Variants in HIVEP3 observed in about 807,000 individuals in gnomAD.
HIVEP3 encodes HIVEP zinc finger 3.
In HIVEP3, 49 loss-of-function variants were observed where a neutral mutation model predicts 152.8. That is an observed-to-expected ratio of 0.32 (90% CI 0.26 to 0.41). The LOEUF (loss-of-function observed/expected upper bound fraction) is 0.41, where lower values mean the gene tolerates loss of function less well. Among genes scored for constraint, HIVEP3 ranks in the 10% least tolerant of loss-of-function variants. The pLI, the probability that HIVEP3 is intolerant of heterozygous loss-of-function variation, is 1.00. For missense variants in HIVEP3, 2,790 were observed against 3,103.3 expected, an observed-to-expected ratio of 0.90 and a Z score of 2.40; for synonymous variants, 1,269 against 1,289.0, an observed-to-expected ratio of 0.98 and a Z score of 0.33.
intron 1 of HIVEP3, among the ~76,000 whole-genome samples, chr1:41,792,213 A>G (rs940568863): frequency 6.6e-5 from 10 of 152,330 alleles, no homozygotes; most frequent in South Asian, 6.2e-4. Flanking sequence ...GAGCACAAGT[A>G]AAGTTGTTCA....
Position 41,991,682 on chromosome 1 carries a change from G to A in HIVEP3, n.119+44125C>T, listed in dbSNP as rs371383900. ...CATCATTCTGATACCAAAGCCTGGC[G>A]GAGACACAACCAAAAAAGAGAATTT... is the stretch of plus-strand genomic sequence containing the variant. On this transcript the variant is annotated intron_variant and non_coding_transcript_variant, in intron 1 of 3. Transcript: ENST00000489103. Among the ~76,000 whole-genome samples, 970 of 150,536 alleles carry A rather than the reference G, an allele frequency of 6.4e-3. 8 individuals carry two copies. The highest frequency in any genetic ancestry group is 0.02 in the African/African-American group (792 of 40,118).
intron 1 of HIVEP3, among the ~76,000 whole-genome samples, chr1:41,839,595 G>A (rs1490200689): frequency 6.6e-6 from 1 of 152,154 alleles, no homozygotes; most frequent in African/African-American, 2.4e-5. Flanking sequence ...CAAATCGCAG[G>A]GCCCAGGGCG....
chr1:41,718,317 C>G (rs1570388467), intron 1 of HIVEP3, among the ~76,000 whole-genome samples: 1 of 152,234 alleles, frequency 6.6e-6, no homozygotes, highest in Admixed American at 6.5e-5. Context: ...GGCCGTGGGT[C>G]TGTACCCTAC....
chr1:42,010,308 T>C (rs865854470), intron 1 of HIVEP3, among the ~76,000 whole-genome samples: 3 of 152,354 alleles, frequency 2.0e-5, no homozygotes, highest in Middle Eastern at 6.8e-3. Context: ...TTTATCTTGG[T>C]CTTTGTCTCT....
At chr1:41,751,360 A>G (rs1230320335) in intron 1 of HIVEP3, among the ~76,000 whole-genome samples, 1 of 126,674 alleles carries the variant, frequency 7.9e-6, no homozygotes, top group East Asian at 2.3e-4. Flanking sequence ...ATGGCATGCA[A>G]GGGAAGAGGA....
At chr1:42,022,169 T>A (rs1436899525) in intron 1 of HIVEP3, among the ~76,000 whole-genome samples, 1 of 152,236 alleles carries the variant, frequency 6.6e-6, no homozygotes, top group Non-Finnish European at 1.5e-5. Flanking sequence ...TTATCATAAC[T>A]AGTTAGGCTT....
chr1:41,607,848 T>G (rs1644843397), intron 3 of HIVEP3, among the ~76,000 whole-genome samples: 1 of 152,254 alleles, frequency 6.6e-6, no homozygotes, highest in Non-Finnish European at 1.5e-5. Flanking sequence ...GGCTTCACCG[T>G]GTGGACATCT....
chr1:41,514,426 T>C (rs1462287724), intron 7 of HIVEP3, among the ~76,000 whole-genome samples: 1 of 152,228 alleles, frequency 6.6e-6, no homozygotes, highest in East Asian at 1.9e-4. Context: ...GAGCCATCCG[T>C]GGTCAGTGTA....
At position 41,552,863 on chromosome 1, in the gene HIVEP3, C is replaced by A. The variant is rs149042229; in HGVS notation, c.5207+22681G>T. On this transcript the variant is annotated intron_variant, in intron 5 of 8. Coordinates refer to ENST00000372583, the MANE Select transcript of HIVEP3 (RefSeq NM_024503.5). ...TTTGATTGCACTGTGGTCTGAGAGG[C>A]AGTTTGTTGTGATTTCTGTTCTTTT... 4.9e-4 allele frequency among the ~76,000 whole-genome samples: 74 copies of A among 152,244 alleles called. No homozygotes were observed. The East Asian group carries it at 0.012, about 24-fold the overall frequency.
At chr1:41,920,609 G>A (rs1644935663), upstream of HIVEP3, among the ~76,000 whole-genome samples, 1 of 148,396 alleles carries the variant, frequency 6.7e-6, no homozygotes, top group African/African-American at 2.5e-5. Context: ...TTTTACCCCA[G>A]GAGAGTTTAC....
intron 1 of HIVEP3, among the ~76,000 whole-genome samples, chr1:41,814,837 G>T (rs1651169252): frequency 6.6e-6 from 1 of 152,144 alleles, no homozygotes; most frequent in African/African-American, 2.4e-5. Context: ...TCCTTTCAGT[G>T]AATCCATTTA....
intron 1 of HIVEP3, among the ~76,000 whole-genome samples, chr1:41,944,634 C>T (rs904288729): frequency 1.3e-5 from 2 of 152,156 alleles, no homozygotes; most frequent in Non-Finnish European, 2.9e-5. Context: ...AATCCAGCAG[C>T]CCGGATCCCT....
At chr1:42,025,472 G>A (rs1421567465) in intron 1 of HIVEP3, among the ~76,000 whole-genome samples, 1 of 152,092 alleles carries the variant, frequency 6.6e-6, no homozygotes, top group Non-Finnish European at 1.5e-5. Flanking sequence ...ATTTGTCTCT[G>A]TACTCATAAT....
chr1:41,608,006 A>G (rs1287546748), intron 3 of HIVEP3, among the ~76,000 whole-genome samples: 1 of 152,222 alleles, frequency 6.6e-6, no homozygotes, highest in Non-Finnish European at 1.5e-5. Context: ...GGCCACTCCT[A>G]GCTGCTAGGA....
chr1:41,994,552 C>T (rs183966972), intron 1 of HIVEP3, among the ~76,000 whole-genome samples: 298 of 152,124 alleles, frequency 2.0e-3, no homozygotes, highest in Non-Finnish European at 3.4e-3. Context: ...GTGGCATTTC[C>T]CCCATCACTC....
chr1:41,939,597 C>T (rs1645035919), intron 1 of HIVEP3, among the ~76,000 whole-genome samples: 1 of 152,202 alleles, frequency 6.6e-6, no homozygotes, highest in Non-Finnish European at 1.5e-5. Flanking sequence ...ACGATTCTGT[C>T]TCCTTCTTTT....
intron 1 of HIVEP3, among the ~76,000 whole-genome samples, chr1:41,906,694 C>G (rs752149905): frequency 3.9e-5 from 6 of 152,134 alleles, no homozygotes; most frequent in Non-Finnish European, 5.9e-5. Context: ...AAATTATACT[C>G]AATTTAGAAA....
At chr1:41,733,940 C>T (rs912706657) in intron 1 of HIVEP3, among the ~76,000 whole-genome samples, 2 of 152,160 alleles carry the variant, frequency 1.3e-5, no homozygotes, top group African/African-American at 4.8e-5. Context: ...GCACAGAACT[C>T]ACACTCCCCG....
intron 1 of HIVEP3, among the ~76,000 whole-genome samples, chr1:41,790,185 T>A (rs1460112692): frequency 6.6e-6 from 1 of 151,898 alleles, no homozygotes; most frequent in East Asian, 1.9e-4. Flanking sequence ...TAGTGGGAGG[T>A]GTTTGGATCA....
Sources: allele counts gnomAD v4.1 joint callset (sites outside exome capture counted in the v4.1 genomes callset), GRCh38; gene constraint gnomAD v4.1.1; transcripts MANE v1.5; gene names NCBI Gene and HGNC (gene_info 2026-07-23, HGNC 2026-07-21).